COL19A1: variants seen among roughly 807,000 people sequenced by gnomAD.
COL19A1 encodes the protein collagen alpha-1(XIX) chain.
A neutral mutation model predicts 190.2 loss-of-function variants in COL19A1; 159 were observed. That is an observed-to-expected ratio of 0.84 (90% CI 0.73 to 0.95). The LOEUF is 0.95. COL19A1 is among the 40% of genes least tolerant of loss of function. COL19A1 has a pLI of 0.00. For missense variants in COL19A1, 1,418 were observed against 1,431.9 expected (o/e 0.99, Z 0.16); for synonymous variants, 509 against 458.9 (o/e 1.11, Z -1.39).
intron 16 of COL19A1, among the ~76,000 whole-genome samples, chr6:70,108,374 T>C (rs1784093558): frequency 6.6e-6 from 1 of 152,138 alleles, no homozygotes. Context: ...ATTTGTCACA[T>C]TTGTGTGCAT....
intron 4 of COL19A1, among the ~76,000 whole-genome samples, chr6:69,914,476 C>A (rs933717383): frequency 6.6e-6 from 1 of 152,152 alleles, no homozygotes; most frequent in African/African-American, 2.4e-5. Flanking sequence ...AAGTCAGAGG[C>A]CTCACTGATA....
chr6:70,205,681 A>T (rs1767807483), intron 49 of COL19A1, among the ~76,000 whole-genome samples: 1 of 152,238 alleles, frequency 6.6e-6, no homozygotes, highest in Non-Finnish European at 1.5e-5. Context: ...AAAGTATTAC[A>T]TGGGTGCCAA....
intron 12 of COL19A1, among the ~76,000 whole-genome samples, chr6:70,030,757 C>G (rs1159654298): frequency 1.3e-5 from 2 of 152,158 alleles, no homozygotes; most frequent in East Asian, 3.8e-4. Context: ...TTACTTAAGT[C>G]AAATGCAACT....
At chr6:70,102,249 C>G (rs761281656) in intron 16 of COL19A1, 27 bp downstream of exon 16, 1 of 1,511,910 alleles carries the variant, frequency 6.6e-7, no homozygotes, top group Admixed American at 1.7e-5. Context: ...ATGACTGTCC[C>G]TTTAAAGAGT....
At chr6:70,194,671 G>A (rs979606151) in intron 48 of COL19A1, among the ~76,000 whole-genome samples, 1 of 152,128 alleles carries the variant, frequency 6.6e-6, no homozygotes, top group South Asian at 2.1e-4. Context: ...CACAAATGAG[G>A]CTCTTGCCAG....
chr6:69,960,939 T>C (rs1582532705), intron 10 of COL19A1, among the ~76,000 whole-genome samples: 1 of 152,280 alleles, frequency 6.6e-6, no homozygotes, highest in East Asian at 1.9e-4. Flanking sequence ...CCAGGGCTGC[T>C]TTCTTCTTCT....
At chr6:70,004,479 T>G (rs1416877002) in intron 11 of COL19A1, among the ~76,000 whole-genome samples, 3 of 152,190 alleles carry the variant, frequency 2.0e-5, no homozygotes, top group Non-Finnish European at 4.4e-5. Context: ...TCCAGCTTGT[T>G]TCCATGCTCC....
chr6:70,095,010 T>C (rs900757333), intron 15 of COL19A1, among the ~76,000 whole-genome samples: 6 of 152,196 alleles, frequency 3.9e-5, no homozygotes, highest in African/African-American at 9.6e-5. Flanking sequence ...AACCACCACA[T>C]AGTCCAAGCA....
intron 4 of COL19A1, among the ~76,000 whole-genome samples, chr6:69,911,166 A>G (rs917272437): frequency 2.6e-5 from 4 of 152,226 alleles, no homozygotes; most frequent in Non-Finnish European, 5.9e-5. Context: ...TCAATAATAA[A>G]CTTTGAAATC....
At chr6:69,878,459 C>T (rs935759128) in intron 1 of COL19A1, among the ~76,000 whole-genome samples, 3 of 151,900 alleles carry the variant, frequency 2.0e-5, no homozygotes, top group South Asian at 2.1e-4. Context: ...CGTGATCGCC[C>T]GCCTCGGCCT....
In COL19A1 at chr6:70,027,084, A is replaced by G. The variant is rs577887835; in HGVS notation, c.1080+3404A>G. 4.6e-5 allele frequency among the ~76,000 whole-genome samples: 7 copies of G among 152,198 alleles called. No homozygotes were observed. In the South Asian group the frequency reaches 1.0e-3, roughly 22 times the overall value. ...TTTGATTTGAATTAAAGTCAAGCCAATGATGGAAATCATAACTTCAGAAAT... is the reference window on the plus strand; with the variant it reads ...TTTGATTTGAATTAAAGTCAAGCCAGTGATGGAAATCATAACTTCAGAAAT... On this transcript the variant is annotated intron_variant, in intron 12 of 50. Transcript: ENST00000620364.
At chr6:69,928,825 A>G (rs1772563797) in intron 5 of COL19A1, among the ~76,000 whole-genome samples, 1 of 152,166 alleles carries the variant, frequency 6.6e-6, no homozygotes, top group Non-Finnish European at 1.5e-5. Flanking sequence ...TTACTTGTGT[A>G]CATATCCGTT....
At chr6:69,912,780 A>G (rs1771036766) in intron 4 of COL19A1, among the ~76,000 whole-genome samples, 1 of 152,124 alleles carries the variant, frequency 6.6e-6, no homozygotes. Context: ...GCTCACCATC[A>G]TTTGTGAGTC....
chr6:70,137,626 A>C, intron 18 of COL19A1, 59 bp from the exon 19 acceptor site: 18 of 1,466,478 alleles, frequency 1.2e-5, no homozygotes, highest in Non-Finnish European at 1.7e-5. Context: ...TGTATCTGAC[A>C]GTCACAATAA....
chr6:70,116,121 C>G (rs969557288), intron 16 of COL19A1, among the ~76,000 whole-genome samples: 4 of 152,000 alleles, frequency 2.6e-5, no homozygotes, highest in African/African-American at 9.7e-5. Flanking sequence ...TAATTCTGGT[C>G]CAAAAATCCA....
Position 70,156,382 on chromosome 6 carries a change from C to T in COL19A1, c.2238+13C>T. 6.2e-7 allele frequency: 1 copy of T among 1,612,740 alleles called. No individual in the cohort carries two copies. The highest frequency in any genetic ancestry group is 8.5e-7 in the Non-Finnish European group (1 of 1,179,264). ...AGAGGGACCAAAGGTAAGAAATTCT[C>T]TCCTCCACTTTCCCCTGTGGGAACC... On this transcript the variant is annotated intron_variant, in intron 33 of 50. Transcript: ENST00000620364.
chr6:70,094,482 G>A (rs569514990), intron 15 of COL19A1, among the ~76,000 whole-genome samples: 1 of 152,246 alleles, frequency 6.6e-6, no homozygotes, highest in East Asian at 1.9e-4. Flanking sequence ...AGAGTACTTA[G>A]ACACAGGTTT....
chr6:70,185,257 G>A (rs1170721522), intron 46 of COL19A1, among the ~76,000 whole-genome samples: 1 of 152,174 alleles, frequency 6.6e-6, no homozygotes, highest in Non-Finnish European at 1.5e-5. Flanking sequence ...TCAGCACTGT[G>A]ATTATTCAGG....
chr6:69,883,656 G>T (rs1481767981), intron 2 of COL19A1, among the ~76,000 whole-genome samples: 2 of 152,166 alleles, frequency 1.3e-5, no homozygotes, highest in African/African-American at 4.8e-5. Flanking sequence ...ACTGCAAAGA[G>T]TATAACAGAA....
Sources: gnomAD v4.1 joint callset for allele counts (sites outside exome capture counted in the v4.1 genomes callset) on GRCh38, gnomAD v4.1.1 for gene constraint, MANE v1.5 for transcripts, NCBI Gene and HGNC (gene_info 2026-07-23, HGNC 2026-07-21) for gene names.